The following PCCA variants were observed in gnomAD, a reference collection of about 807,000 sequenced individuals.
The protein encoded by PCCA is propionyl-CoA carboxylase alpha chain, mitochondrial.
A neutral mutation model predicts 101.3 loss-of-function variants in PCCA; 74 were observed. The ratio of observed to expected loss-of-function variants is 0.73; its 90% CI spans 0.61 to 0.89. PCCA has a LOEUF of 0.89. Ranked by LOEUF, PCCA falls within the 40% of genes least tolerant of loss-of-function variation. The pLI is 0.00. For synonymous variants in PCCA, 294 were observed against 313.6 expected (o/e 0.94, Z 0.66); for missense variants, 891 against 907.0 (o/e 0.98, Z 0.23).
At chr13:100,219,070 C>T (rs1347662932) in intron 7 of PCCA, among the ~76,000 whole-genome samples, 1 of 152,156 alleles carries the variant, frequency 6.6e-6, no homozygotes, top group African/African-American at 2.4e-5. Flanking sequence ...CAGCCTGGTT[C>T]ACTCCCTGAT....
intron 21 of PCCA, among the ~76,000 whole-genome samples, chr13:100,506,806 C>G (rs192732915): frequency 6.6e-6 from 1 of 152,232 alleles, no homozygotes; most frequent in South Asian, 2.1e-4. Context: ...TGGGCACCGT[C>G]GTGAAATGGT....
At chr13:100,485,682 G>A (rs930622797) in intron 21 of PCCA, among the ~76,000 whole-genome samples, 27 of 152,290 alleles carry the variant, frequency 1.8e-4, no homozygotes, top group African/African-American at 6.5e-4. Flanking sequence ...AAACCCTAGG[G>A]AACATCTTAT....
In PCCA at chr13:100,186,751, A is replaced by AAC. The variant is rs1457971279; in HGVS notation, c.469-22580_469-22579insCA. ...GAGATTCCATCTCAAAAAAAAAACA[A>AAC]AAAAAAAAAGAAAATACAAAATAGG... On this transcript the variant is annotated intron_variant, in intron 6 of 23. Coordinates refer to ENST00000376285, the MANE Select transcript of PCCA (RefSeq NM_000282.4). 5.6e-4 allele frequency among the ~76,000 whole-genome samples: 84 copies of AAC among 149,236 alleles called. 2 individuals are homozygous for AAC. The South Asian group carries it at 0.017, about 29-fold the overall frequency.
At chr13:100,249,007 G>A (rs754411254) in intron 8 of PCCA, among the ~76,000 whole-genome samples, 6 of 152,080 alleles carry the variant, frequency 3.9e-5, no homozygotes, top group African/African-American at 7.2e-5. Flanking sequence ...GCCCACCTCG[G>A]CCTCCCAAAG....
chr13:100,109,106 G>A (rs1052056524), intron 2 of PCCA, among the ~76,000 whole-genome samples: 6 of 152,226 alleles, frequency 3.9e-5, no homozygotes, highest in Non-Finnish European at 8.8e-5. Context: ...CTGGCATGTA[G>A]CCCAAAGGGG....
At chr13:100,144,039 C>T (rs2052234830) in intron 4 of PCCA, among the ~76,000 whole-genome samples, 1 of 151,854 alleles carries the variant, frequency 6.6e-6, no homozygotes, top group East Asian at 1.9e-4. Flanking sequence ...GTTGGGTTTA[C>T]AGGCATGAGC....
chr13:100,511,719 A>G (rs1352492782), intron 21 of PCCA, among the ~76,000 whole-genome samples: 1 of 152,228 alleles, frequency 6.6e-6, no homozygotes, highest in East Asian at 1.9e-4. Flanking sequence ...CTTTGAAATC[A>G]CAGCTGAAAA....
chr13:100,462,354 AAAGAAATC>A (rs2082220940), intron 21 of PCCA, among the ~76,000 whole-genome samples: 1 of 152,312 alleles, frequency 6.6e-6, no homozygotes, highest in Non-Finnish European at 1.5e-5. Flanking sequence ...CAAAAATTTA[AAAGAAATC>A]ATTGCCTGCC....
At chr13:100,160,608 T>G (rs1474667288) in intron 6 of PCCA, 1 of 152,170 alleles carries the variant, frequency 6.6e-6, no homozygotes, top group Non-Finnish European at 1.5e-5. Context: ...TTTTCAATAA[T>G]TTTAATGTGC....
chr13:100,505,191 A>G (rs1364351196), intron 21 of PCCA, among the ~76,000 whole-genome samples: 2 of 152,196 alleles, frequency 1.3e-5, no homozygotes, highest in Non-Finnish European at 2.9e-5. Flanking sequence ...GAATACGTTT[A>G]TATTGTGTCA....
At chr13:100,441,875 C>T (rs1386958798) in intron 20 of PCCA, among the ~76,000 whole-genome samples, 1 of 152,008 alleles carries the variant, frequency 6.6e-6, no homozygotes, top group Non-Finnish European at 1.5e-5. Flanking sequence ...TATCTTAATC[C>T]TAGGCTCTAG....
intron 19 of PCCA, among the ~76,000 whole-genome samples, chr13:100,391,218 A>G (rs1415238171): frequency 1.3e-5 from 2 of 152,098 alleles, no homozygotes; most frequent in Non-Finnish European, 1.5e-5. Flanking sequence ...GAGTTTCACC[A>G]TGTTGGCCAG....
intron 8 of PCCA, among the ~76,000 whole-genome samples, chr13:100,252,333 C>T (rs2061808551): frequency 6.6e-6 from 1 of 152,148 alleles, no homozygotes; most frequent in Non-Finnish European, 1.5e-5. Flanking sequence ...GATCCCCATT[C>T]CCCATCACAT....
chr13:100,514,170 C>T (rs1254436453), intron 21 of PCCA, among the ~76,000 whole-genome samples: 5 of 152,156 alleles, frequency 3.3e-5, no homozygotes, highest in Non-Finnish European at 5.9e-5. Context: ...AACTGGCAGA[C>T]GCTTCTATGT....
intron 19 of PCCA, among the ~76,000 whole-genome samples, chr13:100,403,371 A>C (rs2077481098): frequency 6.6e-6 from 1 of 152,178 alleles, no homozygotes; most frequent in African/African-American, 2.4e-5. Context: ...GTAATTTATA[A>C]GAAAAGAGGT....
At chr13:100,403,788 A>G (rs370022989) in intron 19 of PCCA, among the ~76,000 whole-genome samples, 31 of 152,250 alleles carry the variant, frequency 2.0e-4, no homozygotes, top group African/African-American at 7.2e-4. Flanking sequence ...TCCTGCCTGC[A>G]GCTTGAATGT....
chr13:100,219,721 G>T lies in PCCA; in HGVS notation c.600+10258G>T, dbSNP rs143544500. On this transcript the variant is annotated intron_variant, in intron 7 of 23. Coordinates refer to ENST00000376285, the MANE Select transcript of PCCA (RefSeq NM_000282.4). ...TCTTGTGAGTTGAAGAGTAAAAGGA[G>T]AAATGGGTACTTGATTTGCTGTTAG... Among the ~76,000 whole-genome samples, 382 of 152,262 alleles carry T rather than the reference G, an allele frequency of 2.5e-3. 2 individuals carry two copies. The highest frequency in any genetic ancestry group is 8.7e-3 in the African/African-American group (360 of 41,532).
rs2076654878 is a variant in PCCA at position 100,388,759 on chromosome 13, G to C, written c.1746+20185G>C. 2.0e-5 allele frequency among the ~76,000 whole-genome samples: 3 copies of C among 152,106 alleles called. No individual in the cohort carries two copies. The South Asian group carries it at 6.2e-4, about 31-fold the overall frequency. ...GCAGTGAGCCAAGATTGCAACATTG[G>C]ACTCCAGCCTGGGTGACAAGAGTGA... is the stretch of plus-strand genomic sequence containing the variant. On this transcript the variant is annotated intron_variant, in intron 19 of 23. Coordinates refer to ENST00000376285, the MANE Select transcript of PCCA (RefSeq NM_000282.4).
At chr13:100,273,647 TA>T (rs2152591234) in intron 12 of PCCA, among the ~76,000 whole-genome samples, 1 of 152,294 alleles carries the variant, frequency 6.6e-6, no homozygotes, top group South Asian at 2.1e-4. Flanking sequence ...TAAGAAAAAT[TA>T]CTCTAGATAT....
Sources: allele counts gnomAD v4.1 joint callset (sites outside exome capture counted in the v4.1 genomes callset), GRCh38; gene constraint gnomAD v4.1.1; transcripts MANE v1.5; gene names NCBI Gene and HGNC (gene_info 2026-07-23, HGNC 2026-07-21).